Variants in TEK observed in about 807,000 individuals in gnomAD.
The protein encoded by TEK is TEK receptor tyrosine kinase.
A neutral mutation model predicts 131.8 loss-of-function variants in TEK; 43 were observed. The observed-to-expected ratio is 0.33, with a 90% CI of 0.26 to 0.42. The LOEUF (loss-of-function observed/expected upper bound fraction) is 0.42. TEK is among the 10% of genes least tolerant of loss of function. The probability of loss-of-function intolerance (pLI) is 1.00; values close to 1 mark genes in which losing one functional copy is unlikely to be tolerated. For missense variants in TEK, 1,162 were observed against 1,384.4 expected (o/e 0.84, Z 2.55); for synonymous variants, 580 against 491.6 (o/e 1.18, Z -2.38).
At position 27,168,498 on chromosome 9, in the gene TEK, C is replaced by T. The variant is rs1340549276; in HGVS notation, c.368C>T (p.Ser123Phe). ...TTTGTTTTCTCTCTTTTAAAAGCTTCCTTCCTACCAGCTACTTTAACTATG... is the reference window on the plus strand; with the variant it reads ...TTTGTTTTCTCTCTTTTAAAAGCTTTCTTCCTACCAGCTACTTTAACTATG... ...IRTMKMRQQA[S>F]FLPATLTMTV... The change falls in exon 3 of 23, where the codon TCC becomes TTC. Residue 123 changes from serine (S) to phenylalanine (F), a missense_variant. Coordinates refer to ENST00000380036, the MANE Select transcript of TEK (RefSeq NM_000459.5). 2 of 1,612,594 alleles carry T rather than the reference C, an allele frequency of 1.2e-6. No individual in the cohort carries two copies. Among genetic ancestry groups the T allele is most frequent in the Non-Finnish European group, 1.7e-6 (2 of 1,178,864 alleles).
At chr9:27,200,703 G>C (rs1240413300) in intron 12 of TEK, among the ~76,000 whole-genome samples, 1 of 152,222 alleles carries the variant, frequency 6.6e-6, no homozygotes, top group Non-Finnish European at 1.5e-5. Context: ...CCAGGGGTAA[G>C]AAGTGGAGTG....
intron 6 of TEK, among the ~76,000 whole-genome samples, chr9:27,177,116 A>G (rs1170075805): frequency 6.6e-6 from 1 of 152,156 alleles, no homozygotes; most frequent in Non-Finnish European, 1.5e-5. Flanking sequence ...GGTCAAGTCC[A>G]TATTTTGGCT....
At chr9:27,135,550 C>T (rs759049868) in intron 1 of TEK, among the ~76,000 whole-genome samples, 3 of 152,242 alleles carry the variant, frequency 2.0e-5, no homozygotes, top group East Asian at 3.9e-4. Context: ...TTAATACAGC[C>T]TCCATAAAAT....
chr9:27,111,500 G>C (rs933669293), intron 1 of TEK, among the ~76,000 whole-genome samples: 1 of 147,166 alleles, frequency 6.8e-6, no homozygotes, highest in Admixed American at 6.9e-5. Context: ...CCAGTGGGTT[G>C]TTTCTTGTTT....
chr9:27,214,152 T>A lies in TEK; in HGVS notation c.2991+555T>A, dbSNP rs74729981. 5.5e-3 allele frequency among the ~76,000 whole-genome samples: 831 copies of A among 152,338 alleles called. 4 individuals carry two copies. The highest frequency in any genetic ancestry group is 0.027 in the Middle Eastern group (8 of 294). On this transcript the variant is annotated intron_variant, in intron 18 of 22. Coordinates refer to ENST00000380036, the MANE Select transcript of TEK (RefSeq NM_000459.5). ...AATATTTTATCTTTAAGTACAAGAT[T>A]GCAGGAGAACCTAACCATACAGTCT...
chr9:27,125,759 AT>A (rs1176129275), intron 1 of TEK, among the ~76,000 whole-genome samples: 1 of 152,174 alleles, frequency 6.6e-6, no homozygotes, highest in Admixed American at 6.5e-5. Context: ...AACTATCATT[AT>A]TTTTTTGTAT....
intron 14 of TEK, 91 bp downstream of exon 14, chr9:27,205,156 ATAAAG>A (rs541685650): frequency 8.3e-5 from 123 of 1,481,832 alleles, no homozygotes; most frequent in African/African-American, 1.5e-4. Flanking sequence ...AAATTTACTT[ATAAAG>A]TAAATATTTC....
chr9:27,223,545 A>C (rs1826178233), intron 21 of TEK, among the ~76,000 whole-genome samples: 1 of 152,326 alleles, frequency 6.6e-6, no homozygotes, highest in South Asian at 2.1e-4. Context: ...TGAAGGCAGA[A>C]ATAAAGATGT....
chr9:27,183,579 C>T lies in TEK; in HGVS notation c.1151C>T (p.Thr384Ile). 1 of 1,613,886 alleles carries T rather than the reference C, an allele frequency of 6.2e-7. No individual in the cohort carries two copies. Among genetic ancestry groups the T allele is most frequent in the African/African-American group, 1.3e-5 (1 of 74,998 alleles). Residue 384 changes from threonine (T) to isoleucine (I), a missense_variant, in exon 8 of 23, where the codon ACC (threonine) becomes ATC (isoleucine). Physicochemically the swap from Thr to Ile is moderately conservative, Grantham distance 89. Coordinates refer to ENST00000380036, the MANE Select transcript of TEK (RefSeq NM_000459.5). ...CCGCTACCTACTAATGAAGAAATGA[C>T]CCTGGTGAAGCCGGATGGGACAGTG... Reference protein sequence around the residue: ...GWPLPTNEEMTLVKPDGTVLH... With the variant: ...GWPLPTNEEMILVKPDGTVLH...
chr9:27,153,493 A>C (rs1208508151), intron 1 of TEK, among the ~76,000 whole-genome samples: 1 of 152,236 alleles, frequency 6.6e-6, no homozygotes, highest in Non-Finnish European at 1.5e-5. Context: ...AAGGAAAAAT[A>C]GCATTAATCT....
chr9:27,215,989 C>T (rs1206536580), intron 18 of TEK, among the ~76,000 whole-genome samples: 2 of 152,084 alleles, frequency 1.3e-5, no homozygotes, highest in African/African-American at 4.8e-5. Context: ...TACAGAACCC[C>T]TAGAGGAAAA....
chr9:27,167,107 G>A (rs907323971), intron 2 of TEK, among the ~76,000 whole-genome samples: 3 of 152,186 alleles, frequency 2.0e-5, no homozygotes, highest in East Asian at 1.9e-4. Context: ...AGAAACTCTT[G>A]TTGCTGGAAG....
rs1260101920 is a variant in TEK at position 27,180,250 on chromosome 9, T to C, written c.912T>C (p.Pro304=). Residue 304 remains proline, a synonymous_variant, in exon 7 of 23, where the codon CCT becomes CCC. Coordinates refer to ENST00000380036, the MANE Select transcript of TEK (RefSeq NM_000459.5). ...TGTCTCTGTTTACAGCATGCCACCC[T>C]GGTTTTTACGGGCCAGATTGTAAGC... The part of the protein sequence containing the change: ...KGLQCNEACH[P]GFYGPDCKLR... The C allele has an allele frequency of 6.2e-7, 1 of 1,613,842 alleles. No homozygotes were observed. The highest frequency in any genetic ancestry group is 8.5e-7 in the Non-Finnish European group (1 of 1,179,816).
At chr9:27,196,916 GGTTA>G (rs1825043923) in intron 11 of TEK, among the ~76,000 whole-genome samples, 1 of 151,626 alleles carries the variant, frequency 6.6e-6, no homozygotes, top group East Asian at 1.9e-4. Flanking sequence ...ACAACGTGCA[GGTTA>G]GTTACATATG....
chr9:27,109,497 T>C lies in TEK; in HGVS notation c.-94T>C. 1 of 1,269,946 alleles carries C rather than the reference T, an allele frequency of 7.9e-7. No individual in the cohort carries two copies. The highest frequency in any genetic ancestry group is 1.2e-6 in the Non-Finnish European group (1 of 866,134). The allele number at this position is 1,269,946 out of a possible 1,614,324, so 78.7% of individuals were successfully genotyped here. A position where few individuals can be genotyped will look rare whatever the true frequency, so the allele number is the denominator to read the frequency against. On this transcript the variant is annotated 5_prime_UTR_variant, in exon 1 of 23. It removes an upstream start codon present in the reference 5' UTR. Transcript: ENST00000380036. ...TTGTAAACAAGACGTAGTAGGACGA[T>C]GCTAATGGAAAGTCACAAACCGCTG...
intron 1 of TEK, among the ~76,000 whole-genome samples, chr9:27,115,210 G>T (rs1344307648): frequency 2.0e-5 from 3 of 152,062 alleles, no homozygotes; most frequent in South Asian, 2.1e-4. Flanking sequence ...TCTGAATTGA[G>T]CATAAAGGTC....
At chr9:27,222,860 T>G (rs994468269) in intron 21 of TEK, among the ~76,000 whole-genome samples, 1 of 151,852 alleles carries the variant, frequency 6.6e-6, no homozygotes, top group Non-Finnish European at 1.5e-5. Context: ...ATTCACACAT[T>G]ATAATATTGA....
At chr9:27,168,264 T>C (rs1823813921) in intron 2 of TEK, among the ~76,000 whole-genome samples, 1 of 152,210 alleles carries the variant, frequency 6.6e-6, no homozygotes, top group Non-Finnish European at 1.5e-5. Flanking sequence ...ATATTGTTTG[T>C]ATATATTTAC....
chr9:27,207,647 A>G (rs535681490), intron 15 of TEK, among the ~76,000 whole-genome samples: 1 of 152,294 alleles, frequency 6.6e-6, no homozygotes, highest in East Asian at 1.9e-4. Context: ...TGATTTTACA[A>G]AATACAGGCT....
Sources: gnomAD v4.1 joint callset for allele counts (sites outside exome capture counted in the v4.1 genomes callset) on GRCh38, gnomAD v4.1.1 for gene constraint, MANE v1.5 for transcripts, NCBI Gene and HGNC (gene_info 2026-07-23, HGNC 2026-07-21) for gene names.